DPF1: variants seen among roughly 807,000 people sequenced by gnomAD.
The protein encoded by DPF1 is zinc finger protein neuro-d4.
DPF1 carries 14 observed loss-of-function variants against 58.7 expected under a neutral mutation model. The observed-to-expected ratio is 0.24, with a 90% CI of 0.16 to 0.37. The LOEUF (loss-of-function observed/expected upper bound fraction) is 0.37. Among genes scored for constraint, DPF1 ranks in the 10% least tolerant of loss-of-function variants. The probability of loss-of-function intolerance (pLI) is 1.00; values close to 1 mark genes in which losing one functional copy is unlikely to be tolerated. For missense variants in DPF1, 345 were observed against 529.9 expected (o/e 0.65, Z 3.43); for synonymous variants, 216 against 216.0 (o/e 1.00, Z 0.00).
chr19:38,224,221 C>A lies in DPF1; in HGVS notation c.-79G>T. The A allele has an allele frequency of 7.7e-7, 1 of 1,306,820 alleles. No homozygotes were observed. The highest frequency in any genetic ancestry group is 3.0e-5 in the East Asian group (1 of 32,950). 81.0% of individuals were successfully genotyped at this position (1,306,820 alleles called of 1,614,324 possible). The stretch of plus-strand genomic sequence containing the variant: ...CGGTCGGGCGGGCGCTGAGGCCGCC[C>A]ATCCATTCATTCCCGGGGGGCGGGA... On this transcript the variant is annotated 5_prime_UTR_variant, in exon 1 of 12. Coordinates refer to ENST00000355526, the MANE Select transcript of DPF1 (RefSeq NM_001135155.3). The surrounding 1 kb of genome is among the most constrained non-coding windows in gnomAD (Gnocchi z 4.5).
chr19:38,218,152 A>G (rs558713073), intron 5 of DPF1, among the ~76,000 whole-genome samples: 1 of 152,318 alleles, frequency 6.6e-6, no homozygotes, highest in East Asian at 1.9e-4. Context: ...CAGTGAGCAG[A>G]TATTGCGCCA....
rs919490610 is a variant in DPF1, at chr19:38,211,995, G to T, written c.*68C>A. 1.9e-6 allele frequency: 3 copies of T among 1,545,274 alleles called. No homozygotes were observed. The highest frequency in any genetic ancestry group is 2.3e-5 in the East Asian group (1 of 43,554). ...CCCCTGCGGGATGTTCAGGGTGGGGGAGAATTGAGGAGCTCGGAGAGGCAG... is the reference window on the plus strand; with the variant it reads ...CCCCTGCGGGATGTTCAGGGTGGGGTAGAATTGAGGAGCTCGGAGAGGCAG... On this transcript the variant is annotated 3_prime_UTR_variant, in exon 12 of 12. Coordinates refer to ENST00000355526, the MANE Select transcript of DPF1 (RefSeq NM_001135155.3). The surrounding 1 kb of genome is among the most constrained non-coding windows in gnomAD (Gnocchi z 4.0).
chr19:38,213,991 C>T (rs1465389612), intron 9 of DPF1: 26 of 532,772 alleles, frequency 4.9e-5, no homozygotes, highest in Admixed American at 6.2e-5. Flanking sequence ...CTCCCCAGAA[C>T]GCCATGGCAA....
chr19:38,227,316 G>A (rs1189016251), upstream of DPF1, among the ~76,000 whole-genome samples: 1 of 152,048 alleles, frequency 6.6e-6, no homozygotes, highest in Non-Finnish European at 1.5e-5. Context: ...AAGCTCAAGT[G>A]ATCTGCCCAC....
At position 38,229,435 on chromosome 19, in the gene DPF1, G is replaced by GC. The variant is rs2146239942; in HGVS notation, c.-132+123dup. ...GGGGACCCCCGGGGCAAGGGTTCGC[G>GC]CTGGGGGCCCCCATTCAACTACGGT... On this transcript the variant is annotated intron_variant, in intron 1 of 11. Transcript: ENST00000412732. This position sits in a 1 kb window ranked among gnomAD's most constrained non-coding sequence, Gnocchi z 5.3. The GC allele has an allele frequency of 2.4e-6, 1 of 413,912 alleles. No individual in the cohort carries two copies. The highest frequency in any genetic ancestry group is 6.0e-5 in the Admixed American group (1 of 16,670). 25.6% of individuals were successfully genotyped at this position (413,912 alleles called of 1,614,324 possible). A position where few individuals can be genotyped will look rare whatever the true frequency, so the allele number is the denominator to read the frequency against.
At chr19:38,226,407 CGACAGAAGTGGCCCGCTAGCCTTCA>C (rs759322360), upstream of DPF1, among the ~76,000 whole-genome samples, 167 of 151,304 alleles carry the variant, frequency 1.1e-3, no homozygotes, top group Non-Finnish European at 2.1e-3. Flanking sequence ...GCGCCCCAGC[CGACAGAAGTGGCCCGCTAGCCTTCA>C]CCATTTTTGT....
At position 38,211,788 on chromosome 19, in the gene DPF1, C is replaced by T; in HGVS notation, c.*275G>A. 1 of 509,774 alleles carries T rather than the reference C, an allele frequency of 2.0e-6. No homozygotes were observed. Among genetic ancestry groups the T allele is most frequent in the Non-Finnish European group, 3.5e-6 (1 of 288,764 alleles). The allele number at this position is 509,774 out of a possible 1,614,324, so 31.6% of individuals were successfully genotyped here. On this transcript the variant is annotated 3_prime_UTR_variant, in exon 12 of 12. Coordinates refer to ENST00000355526, the MANE Select transcript of DPF1 (RefSeq NM_001135155.3). The surrounding 1 kb of genome is among the most constrained non-coding windows in gnomAD (Gnocchi z 4.0). ...GCTGGCACCCACCACCCCCCATGCC[C>T]GCCCAGAGGCGGGGTATGGCTTTGA...
In DPF1 at chr19:38,217,871, A is replaced by G; in HGVS notation, c.522T>C (p.Tyr174=). Residue 174 remains tyrosine, a synonymous_variant, in exon 6 of 12, where the codon TAT becomes TAC. Coordinates refer to ENST00000355526, the MANE Select transcript of DPF1 (RefSeq NM_001135155.3). ...RRKNRAKGKA[Y]GIGGLRKRQD... ...GGCGTTTCCGGAGACCCCCGATGCC[A>G]TATGCCTGTGGGGAGAGTCAGGAGT... 1.2e-6 allele frequency: 2 copies of G among 1,613,990 alleles called. No homozygotes were observed. The highest frequency in any genetic ancestry group is 1.7e-6 in the Non-Finnish European group (2 of 1,179,976).
At chr19:38,224,893 A>G (rs1241414247), upstream of DPF1, among the ~76,000 whole-genome samples, 3 of 152,228 alleles carry the variant, frequency 2.0e-5, no homozygotes, top group African/African-American at 7.2e-5. The surrounding 1 kb of genome is among the most constrained non-coding windows in gnomAD (Gnocchi z 4.5). Flanking sequence ...CTGTAAAAAG[A>G]GGATGATGCC....
chr19:38,216,174 C>T lies in DPF1; in HGVS notation c.864G>A (p.Glu288=). The T allele has an allele frequency of 1.9e-6, 3 of 1,614,086 alleles. No homozygotes were observed. The highest frequency in any genetic ancestry group is 2.5e-6 in the Non-Finnish European group (3 of 1,180,004). The stretch of plus-strand genomic sequence containing the variant: ...CACAGTCCGCACAGGAGATGAGGTC[C>T]TCGGGACACCCCGTCTTCTTGGAGC... The part of the protein sequence containing the change: ...LGGSKKTGCP[E]DLISCADCGR... The change falls in exon 9 of 12, where the codon GAG becomes GAA. Residue 288 remains glutamate (E), a synonymous_variant. Coordinates refer to ENST00000355526, the MANE Select transcript of DPF1 (RefSeq NM_001135155.3).
rs899748265 is a variant in DPF1 at position 38,211,959 on chromosome 19, CT to C, written c.*103del. ...GGCCCAGCCCCCTCTCGGCTTCCCCCTCTCCCCCTCCCCCTGCGGGATGTTC... is the reference window on the plus strand; with the variant it reads ...GGCCCAGCCCCCTCTCGGCTTCCCCCCTCCCCCTCCCCCTGCGGGATGTTC... On this transcript the variant is annotated 3_prime_UTR_variant, in exon 12 of 12. Coordinates refer to ENST00000355526, the MANE Select transcript of DPF1 (RefSeq NM_001135155.3). This position sits in a 1 kb window ranked among gnomAD's most constrained non-coding sequence, Gnocchi z 4.0. The C allele has an allele frequency of 8.8e-6, 12 of 1,358,152 alleles. No individual in the cohort carries two copies. Among genetic ancestry groups the C allele is most frequent in the East Asian group, 2.5e-5 (1 of 40,746 alleles). 84.1% of individuals were successfully genotyped at this position (1,358,152 alleles called of 1,614,324 possible).
intron 3 of DPF1, chr19:38,219,304 C>A: frequency 1.8e-6 from 1 of 541,840 alleles, no homozygotes; most frequent in Non-Finnish European, 3.3e-6. Flanking sequence ...CAGAAAAAGA[C>A]ACAGTTAGGC....
At chr19:38,220,572 C>T (rs1431426755) in intron 3 of DPF1, among the ~76,000 whole-genome samples, 3 of 149,460 alleles carry the variant, frequency 2.0e-5, no homozygotes, top group African/African-American at 7.4e-5. Context: ...AGTGAGATCG[C>T]GCCACTGCAC....
Position 38,222,655 on chromosome 19 carries a change from G to A in DPF1, c.83C>T (p.Ala28Val), listed in dbSNP as rs1267686789. Residue 28 changes from alanine to valine, a missense_variant, in exon 2 of 12, where the codon GCG becomes GTG. Ala to Val is a moderately conservative substitution (Grantham distance 64). Coordinates refer to ENST00000355526, the MANE Select transcript of DPF1 (RefSeq NM_001135155.3). The surrounding 1 kb of genome is among the most constrained non-coding windows in gnomAD (Gnocchi z 4.9). ...EAIEHCRSYN[A>V]RLCAERSLRL... ...CAGGCTGCGCTCGGCGCACAGGCGC[G>A]CGTTGTAACTGCGGCAGTGCTCGAT... 1.9e-6 allele frequency: 3 copies of A among 1,608,672 alleles called. No homozygotes were observed. Among genetic ancestry groups the A allele is most frequent in the Non-Finnish European group, 8.5e-7 (1 of 1,178,030 alleles).
At chr19:38,220,261 AAAGG>A (rs1600267382) in intron 3 of DPF1, among the ~76,000 whole-genome samples, 3 of 151,176 alleles carry the variant, frequency 2.0e-5, no homozygotes, top group African/African-American at 7.3e-5. Context: ...AGAAAGAAAG[AAAGG>A]AAGGAAGGAA....
chr19:38,223,792 T>G (rs1967673044), intron 1 of DPF1: 1 of 262,866 alleles, frequency 3.8e-6, no homozygotes, highest in East Asian at 7.0e-5. Flanking sequence ...TAGTGTGGAC[T>G]TCACTCCAGT....
In DPF1 at chr19:38,218,630, G is replaced by A. The variant is rs201255893; in HGVS notation, c.459C>T (p.Leu153=). 5.3e-5 allele frequency: 86 copies of A among 1,614,210 alleles called. No homozygotes were observed. The highest frequency in any genetic ancestry group is 2.7e-4 in the East Asian group (12 of 44,884). Residue 153 remains leucine, a synonymous_variant, in exon 5 of 12, where the codon CTC becomes CTT. Coordinates refer to ENST00000355526, the MANE Select transcript of DPF1 (RefSeq NM_001135155.3). ...KQQLLEFPHD[L]EVEDLEDDIP... ...TGTCATCCTCCAAGTCTTCCACCTC[G>A]AGGTCATGCGGAAACTCCAGCAACT...
intron 9 of DPF1, among the ~76,000 whole-genome samples, chr19:38,215,155 A>G (rs1191298239): frequency 6.7e-6 from 1 of 149,164 alleles, no homozygotes; most frequent in Admixed American, 6.7e-5. Flanking sequence ...TTTTTAATAG[A>G]TGGGCTCTCA....
At chr19:38,218,022 T>C in intron 5 of DPF1, 146 bp from the exon 6 acceptor site, 1 of 717,072 alleles carries the variant, frequency 1.4e-6, no homozygotes, top group South Asian at 1.7e-5. Context: ...GCCAACATGG[T>C]GAAGCCCCGT....
Sources: gnomAD v4.1 joint callset for allele counts (sites outside exome capture counted in the v4.1 genomes callset) on GRCh38, gnomAD v4.1.1 for gene constraint, Gnocchi (gnomAD v3.1) non-coding constraint, MANE v1.5 for transcripts, NCBI Gene and HGNC (gene_info 2026-07-23, HGNC 2026-07-21) for gene names.